Variants in OPCML observed in about 807,000 individuals in gnomAD.
The protein encoded by OPCML is opioid binding protein/cell adhesion molecule like.
A neutral mutation model predicts 37.8 loss-of-function variants in OPCML; 13 were observed. The observed-to-expected ratio is 0.34, with a 90% confidence interval of 0.22 to 0.55. The LOEUF (loss-of-function observed/expected upper bound fraction) is 0.55, where lower values mean the gene tolerates loss of function less well. Ranked by LOEUF, OPCML falls within the 20% of genes least tolerant of loss-of-function variation. The pLI is 0.91. For missense variants in OPCML, 341 were observed against 435.6 expected (o/e 0.78, Z 1.93); for synonymous variants, 176 against 168.8 (o/e 1.04, Z -0.33).
intron 3 of OPCML, among the ~76,000 whole-genome samples, chr11:132,582,097 A>G (rs1449814781): frequency 7.4e-6 from 1 of 135,188 alleles, no homozygotes; most frequent in Non-Finnish European, 1.6e-5. Flanking sequence ...AACTATTCAC[A>G]CATACTTTGT....
intron 2 of OPCML, among the ~76,000 whole-genome samples, chr11:132,852,528 C>A (rs1201047960): frequency 6.6e-6 from 1 of 151,880 alleles, no homozygotes; most frequent in Non-Finnish European, 1.5e-5. Context: ...GAACTTCTGG[C>A]AACTGAGCAT....
At chr11:132,743,766 G>A (rs1420450732) in intron 2 of OPCML, among the ~76,000 whole-genome samples, 2 of 152,172 alleles carry the variant, frequency 1.3e-5, no homozygotes, top group Admixed American at 6.5e-5. Context: ...GCTTTCCGCT[G>A]AGGTCTCCCT....
chr11:133,024,867 G>A (rs1159040629), intron 1 of OPCML: 2 of 985,372 alleles, frequency 2.0e-6, no homozygotes, highest in Non-Finnish European at 2.4e-6. Context: ...TCCCTTCTAT[G>A]CCAGTGATTT....
At chr11:133,097,249 T>C (rs1949016197) in intron 1 of OPCML, among the ~76,000 whole-genome samples, 1 of 152,172 alleles carries the variant, frequency 6.6e-6, no homozygotes, top group Admixed American at 6.5e-5. Flanking sequence ...GGAAGATCAC[T>C]GGAAAAATCT....
chr11:132,468,874 T>C (rs2096127252), intron 4 of OPCML, among the ~76,000 whole-genome samples: 1 of 152,178 alleles, frequency 6.6e-6, no homozygotes, highest in Non-Finnish European at 1.5e-5. Flanking sequence ...CACTCTAAAA[T>C]CATGGATCTC....
intron 2 of OPCML, among the ~76,000 whole-genome samples, chr11:132,797,480 T>A (rs1938394660): frequency 6.6e-6 from 1 of 152,218 alleles, no homozygotes; most frequent in Admixed American, 6.5e-5. Flanking sequence ...ACCTCAGAAA[T>A]CCTGTAGGTT....
At chr11:132,998,015 C>T (rs1401463055) in intron 1 of OPCML, among the ~76,000 whole-genome samples, 2 of 152,062 alleles carry the variant, frequency 1.3e-5, no homozygotes, top group Non-Finnish European at 2.9e-5. Flanking sequence ...CTCTTGCTAA[C>T]CTGTCATATG....
At chr11:133,248,341 A>G (rs761375640) in intron 1 of OPCML, among the ~76,000 whole-genome samples, 19 of 152,226 alleles carry the variant, frequency 1.2e-4, no homozygotes, top group Non-Finnish European at 1.8e-4. Context: ...AAGGTGGGAC[A>G]CCTCTTTGGC....
intron 3 of OPCML, among the ~76,000 whole-genome samples, chr11:132,613,718 C>T (rs1194647502): frequency 1.3e-5 from 2 of 152,120 alleles, no homozygotes; most frequent in African/African-American, 4.8e-5. Flanking sequence ...AGAGAACAGA[C>T]ATATTTTTTT....
intron 2 of OPCML, among the ~76,000 whole-genome samples, chr11:132,764,845 T>C (rs1227526308): frequency 6.6e-6 from 1 of 152,222 alleles, no homozygotes; most frequent in Non-Finnish European, 1.5e-5. Flanking sequence ...TCAAATATGA[T>C]CTGGTATTTT....
chr11:133,026,285 A>G, intron 1 of OPCML: 2 of 822,472 alleles, frequency 2.4e-6, no homozygotes, highest in Non-Finnish European at 2.9e-6. Context: ...AAATGGTCAA[A>G]ATGGATTTGG....
chr11:132,478,630 CT>C (rs2096165945), intron 4 of OPCML, among the ~76,000 whole-genome samples: 1 of 152,192 alleles, frequency 6.6e-6, no homozygotes, highest in Non-Finnish European at 1.5e-5. Flanking sequence ...TGAGTGAATC[CT>C]TTCCACTTAC....
intron 1 of OPCML, among the ~76,000 whole-genome samples, chr11:133,305,808 C>A (rs1018300802): frequency 9.2e-5 from 14 of 152,270 alleles, no homozygotes; most frequent in Middle Eastern, 3.4e-3. Flanking sequence ...CTTAGAATTA[C>A]ACAAGTGGGA....
chr11:132,496,102 A>T (rs2096230362), intron 4 of OPCML, among the ~76,000 whole-genome samples: 1 of 152,128 alleles, frequency 6.6e-6, no homozygotes, highest in Admixed American at 6.6e-5. Context: ...TGGAATAAAG[A>T]CAAATCTGAA....
At chr11:132,550,517 A>G (rs2096379136) in intron 3 of OPCML, among the ~76,000 whole-genome samples, 1 of 152,202 alleles carries the variant, frequency 6.6e-6, no homozygotes, top group Non-Finnish European at 1.5e-5. Context: ...CCAAAAAGCA[A>G]GCAATGTCAA....
chr11:132,768,303 C>T (rs1218328900), intron 2 of OPCML, among the ~76,000 whole-genome samples: 2 of 152,186 alleles, frequency 1.3e-5, no homozygotes, highest in Admixed American at 1.3e-4. Context: ...TGATTCAGAA[C>T]TGGTGAATGG....
chr11:133,010,173 G>T (rs1360996791), intron 1 of OPCML, among the ~76,000 whole-genome samples: 1 of 152,198 alleles, frequency 6.6e-6, no homozygotes, highest in Non-Finnish European at 1.5e-5. Flanking sequence ...CTTGGGAGTT[G>T]GCTTTATGGG....
intron 1 of OPCML, among the ~76,000 whole-genome samples, chr11:133,402,367 T>C (rs1321436769): frequency 2.0e-5 from 3 of 152,182 alleles, no homozygotes; most frequent in Non-Finnish European, 2.9e-5. Flanking sequence ...CTCAACATTG[T>C]TGCATCGGGG....
Position 133,421,607 on chromosome 11 carries a change from C to T in OPCML, c.61+110657G>A, listed in dbSNP as rs532091289. The T allele has an allele frequency of 1.2e-5, 12 of 985,396 alleles. No homozygotes were observed. The South Asian group carries it at 3.3e-4, about 27-fold the overall frequency. 61.0% of individuals were successfully genotyped at this position (985,396 alleles called of 1,614,324 possible). A position where few individuals can be genotyped will look rare whatever the true frequency, so the allele number is the denominator to read the frequency against. On this transcript the variant is annotated intron_variant, in intron 1 of 7. Transcript: ENST00000524381. ...AAACTGGGAGTTTCAACCTCTATAA[C>T]CATTGAATGTTAAGGCTCAGTCATT...
Sources: allele counts gnomAD v4.1 joint callset (sites outside exome capture counted in the v4.1 genomes callset), GRCh38; gene constraint gnomAD v4.1.1; transcripts MANE v1.5; gene names NCBI Gene and HGNC (gene_info 2026-07-23, HGNC 2026-07-21).